TMEM266: variants seen among roughly 807,000 people sequenced by gnomAD.
TMEM266 encodes transmembrane protein 266.
In TMEM266, 33 loss-of-function variants were observed where a neutral mutation model predicts 50.5. That is an observed-to-expected ratio of 0.65 (90% CI 0.50 to 0.87). The LOEUF is 0.87. TMEM266 is among the 40% of genes least tolerant of loss of function. The pLI is 0.00. For missense variants in TMEM266, 655 were observed against 695.1 expected (o/e 0.94, Z 0.65); for synonymous variants, 310 against 292.3 (o/e 1.06, Z -0.62).
chr15:76,087,248 T>G (rs1326712295), intron 1 of TMEM266, among the ~76,000 whole-genome samples: 1 of 152,092 alleles, frequency 6.6e-6, no homozygotes, highest in South Asian at 2.1e-4. Flanking sequence ...ATGGGGAGAC[T>G]GTAATAATGC....
intron 1 of TMEM266, among the ~76,000 whole-genome samples, chr15:76,099,740 C>T (rs1442471416): frequency 2.0e-5 from 3 of 152,124 alleles, no homozygotes; most frequent in African/African-American, 2.4e-5. Flanking sequence ...TGCCAACAGC[C>T]TGGGTTAGTC....
intron 1 of TMEM266, chr15:76,109,016 C>T (rs1020226010): frequency 2.6e-5 from 4 of 152,182 alleles, no homozygotes; most frequent in African/African-American, 9.7e-5. Flanking sequence ...GTGTATCTCC[C>T]TTTGGTCCCA....
chr15:76,070,187 T>C (rs1369343367), intron 1 of TMEM266, among the ~76,000 whole-genome samples: 1 of 152,186 alleles, frequency 6.6e-6, no homozygotes, highest in Non-Finnish European at 1.5e-5. Context: ...CATCAGAGGC[T>C]GAGGTTCTAT....
intron 3 of TMEM266, among the ~76,000 whole-genome samples, chr15:76,151,064 C>A (rs2037835473): frequency 6.6e-6 from 1 of 152,166 alleles, no homozygotes; most frequent in South Asian, 2.1e-4. Context: ...GCAGCCCAAG[C>A]CGGGCCCCTG....
rs759926541 is a variant in TMEM266, at chr15:76,203,933, T to C, written c.1214T>C (p.Leu405Pro). The change falls in exon 11 of 11, where the codon CTG becomes CCG. Residue 405 changes from leucine (L) to proline (P), a missense_variant. Leu to Pro is a moderately conservative substitution (Grantham distance 98). This residue lies in a region of TMEM266 where 455 missense variants were observed against 401.8 expected (regional missense o/e 1.13). Coordinates refer to ENST00000388942, the MANE Select transcript of TMEM266 (RefSeq NM_152335.3). The stretch of plus-strand genomic sequence containing the variant: ...GCCCAGAGTGACAGCAGCCAGACGC[T>C]GGGCTCCTCCATGGACTGCAGCACT... The C allele has an allele frequency of 1.2e-5, 19 of 1,613,950 alleles. No homozygotes were observed. The Admixed American group carries it at 1.7e-4, about 14-fold the overall frequency.
chr15:76,193,696 A>C (rs1009219550), intron 9 of TMEM266, among the ~76,000 whole-genome samples: 2 of 151,816 alleles, frequency 1.3e-5, no homozygotes, highest in Non-Finnish European at 2.9e-5. Flanking sequence ...AACCCACCCC[A>C]CCTCCACATG....
rs941016748 is a variant in TMEM266, at chr15:76,200,919, C to G, written c.959-1283C>G. On this transcript the variant is annotated intron_variant, in intron 9 of 10. Coordinates refer to ENST00000388942, the MANE Select transcript of TMEM266 (RefSeq NM_152335.3). Reference sequence around the variant, plus strand: ...GCCAGAAAAGCTTTTAAGAGCCAGGCCCTTCTGTGCTGCCTCCAGCCTCCC... The same window carrying G: ...GCCAGAAAAGCTTTTAAGAGCCAGGGCCTTCTGTGCTGCCTCCAGCCTCCC... Among the ~76,000 whole-genome samples the G allele has an allele frequency of 2.0e-5, 3 of 152,184 alleles. No individual in the cohort carries two copies. The South Asian group carries it at 6.2e-4, about 32-fold the overall frequency.
intron 3 of TMEM266, among the ~76,000 whole-genome samples, chr15:76,144,580 G>A (rs2037730234): frequency 6.6e-6 from 1 of 152,100 alleles, no homozygotes. Context: ...GTCAGTGCGC[G>A]GCTTATGGCC....
At position 76,203,754 on chromosome 15, in the gene TMEM266, A is replaced by G. The variant is rs930263840; in HGVS notation, c.1035A>G (p.Pro345=). The G allele has an allele frequency of 6.2e-7, 1 of 1,612,862 alleles. No homozygotes were observed. Among genetic ancestry groups the G allele is most frequent in the African/African-American group, 1.3e-5 (1 of 74,904 alleles). ...CCTACCTTGCAGACAGCGGTGTCCC[A>G]GAGCCAGCTGTGTGTATGGTCACCA... The change falls in exon 11 of 11, where the codon CCA becomes CCG. Residue 345 remains proline (P), a synonymous_variant. Coordinates refer to ENST00000388942, the MANE Select transcript of TMEM266 (RefSeq NM_152335.3).
At chr15:76,203,624 G>A (rs994585968) in intron 10 of TMEM266, 117 bp from the exon 11 acceptor site, 7 of 923,844 alleles carry the variant, frequency 7.6e-6, no homozygotes, top group African/African-American at 1.7e-5. Context: ...ACAAAGGCAC[G>A]GTCTCCTACA....
At chr15:76,120,211 C>CA (rs531368487) in intron 1 of TMEM266, among the ~76,000 whole-genome samples, 38 of 135,222 alleles carry the variant, frequency 2.8e-4, no homozygotes, top group South Asian at 4.7e-4. Flanking sequence ...TCACGGTGGC[C>CA]AAAAAAAAAA....
chr15:76,131,981 G>A (rs562833740), intron 1 of TMEM266, among the ~76,000 whole-genome samples: 3 of 152,052 alleles, frequency 2.0e-5, no homozygotes, highest in East Asian at 1.9e-4. Flanking sequence ...GAACTTCCTC[G>A]CTCCTTTAAG....
At position 76,142,345 on chromosome 15, in the gene TMEM266, C is replaced by T. The variant is rs182978288; in HGVS notation, c.227+4450C>T. Among the ~76,000 whole-genome samples, 13 of 152,274 alleles carry T rather than the reference C, an allele frequency of 8.5e-5. No individual in the cohort carries two copies. In the East Asian group the frequency reaches 2.1e-3, roughly 25 times the overall value. On this transcript the variant is annotated intron_variant, in intron 3 of 10. Coordinates refer to ENST00000388942, the MANE Select transcript of TMEM266 (RefSeq NM_152335.3). Reference sequence around the variant, plus strand: ...CGGAGGTTGCAGTGAGTTGAGATCACGCAGCCACTGCACTCCAGCCTGGGT... The same window carrying T: ...CGGAGGTTGCAGTGAGTTGAGATCATGCAGCCACTGCACTCCAGCCTGGGT...
In TMEM266 at chr15:76,082,205, TATTA is replaced by T. The variant is rs560923178; in HGVS notation, c.-97+22193_-97+22196del. ...AAATTTCTTGAACACTTCTAAACTT[TATTA>T]ATTTAGCAAATGTATGTTATGCATG... On this transcript the variant is annotated intron_variant, in intron 1 of 10. Coordinates refer to ENST00000388942, the MANE Select transcript of TMEM266 (RefSeq NM_152335.3). 1.6e-4 allele frequency among the ~76,000 whole-genome samples: 25 copies of T among 152,352 alleles called. No individual in the cohort carries two copies. The South Asian group carries it at 5.0e-3, about 30-fold the overall frequency.
chr15:76,112,562 G>A (rs1239090833), intron 1 of TMEM266: 1 of 152,178 alleles, frequency 6.6e-6, no homozygotes, highest in East Asian at 1.9e-4. Context: ...AGATGACCTT[G>A]CACATCTGCT....
At chr15:76,158,298 C>G (rs999321847) in intron 4 of TMEM266, among the ~76,000 whole-genome samples, 2 of 152,106 alleles carry the variant, frequency 1.3e-5, no homozygotes, top group African/African-American at 4.8e-5. Flanking sequence ...AGCTGGTGGC[C>G]CCTTGGTTCC....
intron 1 of TMEM266, among the ~76,000 whole-genome samples, chr15:76,076,423 T>C (rs1030197388): frequency 1.3e-5 from 2 of 152,076 alleles, no homozygotes; most frequent in Non-Finnish European, 2.9e-5. Context: ...GAATAAACAA[T>C]AGTATTGTTT....
chr15:76,204,066 G>C lies in TMEM266; in HGVS notation c.1347G>C (p.Glu449Asp), dbSNP rs759141753. The change falls in exon 11 of 11, where the codon GAG becomes GAC. Residue 449 changes from glutamate to aspartate, a missense_variant. Physicochemically the swap from Glu to Asp is conservative, Grantham distance 45. Coordinates refer to ENST00000388942, the MANE Select transcript of TMEM266 (RefSeq NM_152335.3). Reference sequence around the variant, plus strand: ...AGGACCTGCTGTCCTCCCTGTCGGAGGACCCCTGCCCTTCCCAGAAGGCCT... The same window carrying C: ...AGGACCTGCTGTCCTCCCTGTCGGACGACCCCTGCCCTTCCCAGAAGGCCT... 1 of 1,612,268 alleles carries C rather than the reference G, an allele frequency of 6.2e-7. No homozygotes were observed. Among genetic ancestry groups the C allele is most frequent in the Non-Finnish European group, 8.5e-7 (1 of 1,179,202 alleles).
chr15:76,156,933 C>T (rs2037936408), intron 4 of TMEM266, among the ~76,000 whole-genome samples, 175 bp downstream of exon 4: 1 of 152,170 alleles, frequency 6.6e-6, no homozygotes. Context: ...ATACATCTGG[C>T]AGCTTCTCTC....
Sources: gnomAD v4.1 joint callset for allele counts (sites outside exome capture counted in the v4.1 genomes callset) on GRCh38, gnomAD v4.1.1 for gene constraint, gnomAD v4.1.1 regional missense constraint, MANE v1.5 for transcripts, NCBI Gene and HGNC (gene_info 2026-07-23, HGNC 2026-07-21) for gene names.